THSD4: variants seen among roughly 807,000 people sequenced by gnomAD.
THSD4 encodes the protein thrombospondin type 1 domain containing 4, also known as thrombospondin type-1 domain-containing protein 4.
A neutral mutation model predicts 119.0 loss-of-function variants in THSD4; 69 were observed. The observed-to-expected ratio is 0.58, with a 90% CI of 0.48 to 0.71. The LOEUF is 0.71. THSD4 is among the 30% of genes least tolerant of loss of function. THSD4 has a pLI of 0.00. For missense variants in THSD4, 1,393 were observed against 1,391.1 expected (o/e 1.00, Z -0.02); for synonymous variants, 524 against 540.4 (o/e 0.97, Z 0.42).
intron 6 of THSD4, among the ~76,000 whole-genome samples, chr15:71,269,804 T>C (rs1262765504): frequency 1.3e-5 from 2 of 152,088 alleles, no homozygotes; most frequent in Non-Finnish European, 2.9e-5. Flanking sequence ...TATACACCAA[T>C]AATAGACAAA....
At chr15:71,195,598 G>C (rs1334604916) in intron 3 of THSD4, among the ~76,000 whole-genome samples, 2 of 152,192 alleles carry the variant, frequency 1.3e-5, no homozygotes, top group Admixed American at 1.3e-4. Flanking sequence ...GTCCATACTA[G>C]AGAGACCTTA....
chr15:71,409,815 A>T (rs1318162780), intron 6 of THSD4, among the ~76,000 whole-genome samples: 3 of 152,138 alleles, frequency 2.0e-5, no homozygotes, highest in Admixed American at 2.0e-4. Flanking sequence ...CCAGTCAGGT[A>T]ATCTGATTTT....
At chr15:71,612,316 C>T (rs1047674295) in intron 7 of THSD4, among the ~76,000 whole-genome samples, 1 of 152,174 alleles carries the variant, frequency 6.6e-6, no homozygotes, top group Non-Finnish European at 1.5e-5. Flanking sequence ...CAACAATCAC[C>T]CCCCGGTGGG....
At chr15:71,773,178 G>C (rs1171765995) in intron 17 of THSD4, among the ~76,000 whole-genome samples, 1 of 124,212 alleles carries the variant, frequency 8.1e-6, no homozygotes, top group Admixed American at 1.1e-4. Flanking sequence ...TCCAGCCTAG[G>C]AGACAGAGTG....
chr15:71,762,280 C>T (rs2053640085), intron 15 of THSD4, among the ~76,000 whole-genome samples: 1 of 152,156 alleles, frequency 6.6e-6, no homozygotes, highest in African/African-American at 2.4e-5. Flanking sequence ...GAGACGGGCT[C>T]ATTCTCCCTG....
chr15:71,430,532 C>T (rs1417021634), intron 7 of THSD4, among the ~76,000 whole-genome samples: 2 of 152,056 alleles, frequency 1.3e-5, no homozygotes, highest in African/African-American at 4.8e-5. Flanking sequence ...GTAATAACTA[C>T]ACAAATTGAG....
chr15:71,578,696 A>G (rs1489803673), intron 7 of THSD4, among the ~76,000 whole-genome samples: 2 of 152,206 alleles, frequency 1.3e-5, no homozygotes, highest in Admixed American at 6.5e-5. Context: ...GTAAACAGCC[A>G]TTCGATAGAC....
At chr15:71,636,365 G>A (rs2050739859) in intron 7 of THSD4, among the ~76,000 whole-genome samples, 1 of 152,182 alleles carries the variant, frequency 6.6e-6, no homozygotes, top group Non-Finnish European at 1.5e-5. Flanking sequence ...AGAGGTTGCA[G>A]TGAGCCGAGA....
intron 7 of THSD4, among the ~76,000 whole-genome samples, chr15:71,584,014 CTAT>C (rs1036861358): frequency 3.9e-5 from 6 of 151,994 alleles, no homozygotes; most frequent in African/African-American, 1.2e-4. Context: ...CTAAAGGCCC[CTAT>C]TATTATTGTA....
chr15:71,764,998 CT>C lies in THSD4; in HGVS notation c.2590-17del, dbSNP rs2053690367. Reference sequence around the variant, plus strand: ...CCCCTTTCCATCATGTGACACTCATCTTTTTCTGCTTCTTTCTGCAGTGTTC... The same window carrying C: ...CCCCTTTCCATCATGTGACACTCATCTTTTCTGCTTCTTTCTGCAGTGTTC... On this transcript the variant is annotated intron_variant, in intron 15 of 17. Transcript: ENST00000261862. 4 of 1,604,782 alleles carry C rather than the reference CT, an allele frequency of 2.5e-6. No homozygotes were observed. The East Asian group carries it at 9.0e-5, about 36-fold the overall frequency.
intron 6 of THSD4, among the ~76,000 whole-genome samples, chr15:71,309,713 G>C (rs908340): frequency 6.6e-6 from 1 of 152,148 alleles, no homozygotes; most frequent in African/African-American, 2.4e-5. Flanking sequence ...ATATCCAGTT[G>C]TCCAACCACA....
Position 71,659,823 on chromosome 15 carries a change from C to T in THSD4, c.1153-707C>T, listed in dbSNP as rs575358038. On this transcript the variant is annotated intron_variant, in intron 7 of 17. Transcript: ENST00000261862. Reference sequence around the variant, plus strand: ...TGAGTAATGGGAAGATTCCTTTTGTCGGGGGAGGGAATTCAGGAAAGTCAG... The same window carrying T: ...TGAGTAATGGGAAGATTCCTTTTGTTGGGGGAGGGAATTCAGGAAAGTCAG... 3.7e-4 allele frequency among the ~76,000 whole-genome samples: 57 copies of T among 152,164 alleles called. No homozygotes were observed. In the South Asian group the frequency reaches 9.3e-3, roughly 25 times the overall value.
At chr15:71,266,348 G>C (rs902972876) in intron 6 of THSD4, among the ~76,000 whole-genome samples, 15 of 152,272 alleles carry the variant, frequency 9.9e-5, no homozygotes, top group African/African-American at 3.6e-4. Context: ...ACAAACTCCA[G>C]CAGACCTGCA....
intron 7 of THSD4, among the ~76,000 whole-genome samples, chr15:71,447,354 C>T (rs1246829786): frequency 2.0e-5 from 3 of 152,008 alleles, no homozygotes; most frequent in African/African-American, 7.2e-5. Flanking sequence ...CTCTTGACCT[C>T]GTGATCCGCC....
At chr15:71,748,840 T>C (rs1346128663) in intron 14 of THSD4, among the ~76,000 whole-genome samples, 1 of 152,196 alleles carries the variant, frequency 6.6e-6, no homozygotes, top group Admixed American at 6.5e-5. Flanking sequence ...GGTCACTCCA[T>C]AATACTAGGT....
intron 3 of THSD4, among the ~76,000 whole-genome samples, chr15:71,160,206 C>T (rs1233546061): frequency 1.3e-5 from 2 of 151,962 alleles, no homozygotes; most frequent in African/African-American, 2.4e-5. Flanking sequence ...TAATATGCTA[C>T]TGAATTCAGT....
At chr15:71,652,131 G>T (rs1399335214) in intron 7 of THSD4, among the ~76,000 whole-genome samples, 1 of 152,140 alleles carries the variant, frequency 6.6e-6, no homozygotes, top group East Asian at 1.9e-4. Flanking sequence ...TGATAATCTA[G>T]CCTCCAGAAC....
intron 7 of THSD4, among the ~76,000 whole-genome samples, chr15:71,446,940 A>G (rs906417634): frequency 9.9e-5 from 15 of 152,068 alleles, no homozygotes; most frequent in African/African-American, 3.6e-4. Context: ...ACTGAGTCTC[A>G]TGCTCATCTG....
Position 71,686,259 on chromosome 15 carries a change from C to T in THSD4, c.1357+25525C>T, listed in dbSNP as rs188981567. Among the ~76,000 whole-genome samples, 475 of 152,306 alleles carry T rather than the reference C, an allele frequency of 3.1e-3. 2 individuals carry two copies. The highest frequency in any genetic ancestry group is 0.011 in the African/African-American group (454 of 41,570). ...AGTTGGATTCACTTATTAACCCAAA[C>T]TACTTGAGGCATCTGTTGAGATTTA... On this transcript the variant is annotated intron_variant, in intron 8 of 17. Coordinates refer to ENST00000261862, the MANE Select transcript of THSD4 (RefSeq NM_024817.3).
Sources: allele counts gnomAD v4.1 joint callset (sites outside exome capture counted in the v4.1 genomes callset), GRCh38; gene constraint gnomAD v4.1.1; transcripts MANE v1.5; gene names NCBI Gene and HGNC (gene_info 2026-07-23, HGNC 2026-07-21).